The following ADGRV1 variants were observed in gnomAD, a reference collection of about 807,000 sequenced individuals.
The protein encoded by ADGRV1 is G-protein coupled receptor 98.
A neutral mutation model predicts 596.2 loss-of-function variants in ADGRV1; 359 were observed. That is an observed-to-expected ratio of 0.60 (90% CI 0.55 to 0.66). The LOEUF is 0.66. ADGRV1 is among the 30% of genes least tolerant of loss of function. The probability of loss-of-function intolerance (pLI) is 0.00; values close to 1 mark genes in which losing one functional copy is unlikely to be tolerated. For synonymous variants in ADGRV1, 2,681 were observed against 2,679.2 expected (o/e 1.00, Z -0.02); for missense variants, 7,274 against 7,575.6 (o/e 0.96, Z 1.48).
At chr5:90,716,328 C>G (rs1020961896) in intron 42 of ADGRV1, 139 bp from the exon 43 acceptor site, 2 of 492,882 alleles carry the variant, frequency 4.1e-6, no homozygotes, top group Non-Finnish European at 6.9e-6. Flanking sequence ...TTAAAAAATT[C>G]TGTCATTTTT....
At chr5:90,823,677 C>G in intron 76 of ADGRV1, 81 bp downstream of exon 76, 1 of 1,240,136 alleles carries the variant, frequency 8.1e-7, no homozygotes, top group South Asian at 1.4e-5. Context: ...ACTATTGAAA[C>G]TTACACATTG....
At chr5:90,927,902 G>T (rs1774692031) in intron 83 of ADGRV1, among the ~76,000 whole-genome samples, 1 of 152,056 alleles carries the variant, frequency 6.6e-6, no homozygotes, top group Non-Finnish European at 1.5e-5. Flanking sequence ...GCGTAGTTTG[G>T]CTGGATATGA....
At position 90,724,707 on chromosome 5, in the gene ADGRV1, C is replaced by T. The variant is rs146954375; in HGVS notation, c.9749-125C>T. 183 of 790,960 alleles carry T rather than the reference C, an allele frequency of 2.3e-4. 1 individual carries two copies. In the East Asian group the frequency reaches 3.4e-3, roughly 15 times the overall value. 49.0% of individuals were successfully genotyped at this position (790,960 alleles called of 1,614,324 possible). A position where few individuals can be genotyped will look rare whatever the true frequency, so the allele number is the denominator to read the frequency against. ...ACTTGTGTCTTTTCACACTCATACACACGTCATGAAAGAATTTTCATTTGT... is the reference window on the plus strand; with the variant it reads ...ACTTGTGTCTTTTCACACTCATACATACGTCATGAAAGAATTTTCATTTGT... On this transcript the variant is annotated intron_variant, in intron 45 of 89. Coordinates refer to ENST00000405460, the MANE Select transcript of ADGRV1 (RefSeq NM_032119.4).
Position 90,705,679 on chromosome 5 carries a change from A to G in ADGRV1, c.8566+100A>G, listed in dbSNP as rs1023856190. The G allele has an allele frequency of 2.1e-5, 19 of 891,226 alleles. No homozygotes were observed. The Middle Eastern group carries it at 1.4e-3, about 65-fold the overall frequency. The allele number at this position is 891,226 out of a possible 1,614,324, so 55.2% of individuals were successfully genotyped here. ...ATTGCTAAAATAAATCGGGGACAGG[A>G]GAAAATTAATATTTCTTCATTCAGG... On this transcript the variant is annotated intron_variant, in intron 37 of 89. Transcript: ENST00000405460.
chr5:90,848,913 T>A (rs1766192250), intron 79 of ADGRV1, 92 bp downstream of exon 79: 1 of 883,152 alleles, frequency 1.1e-6, no homozygotes, highest in South Asian at 1.8e-5. Flanking sequence ...ATTTAGATGA[T>A]GTAACTAAGA....
intron 21 of ADGRV1, among the ~76,000 whole-genome samples, chr5:90,663,453 G>T (rs1319506686): frequency 6.7e-6 from 1 of 150,004 alleles, no homozygotes; most frequent in South Asian, 2.1e-4. Flanking sequence ...ACTTTTTGAT[G>T]GGGTTGTTTG....
intron 48 of ADGRV1, 65 bp from the exon 49 acceptor site, chr5:90,728,604 A>T (rs1210475067): frequency 8.4e-6 from 11 of 1,307,804 alleles, no homozygotes; most frequent in Non-Finnish European, 1.1e-5. Flanking sequence ...TATGGTATTG[A>T]TTACATTCTT....
At chr5:90,975,075 A>C (rs1441050289) in intron 84 of ADGRV1, among the ~76,000 whole-genome samples, 2 of 152,142 alleles carry the variant, frequency 1.3e-5, no homozygotes, top group African/African-American at 2.4e-5. Context: ...TAAGACATTT[A>C]TGCAGCCAAC....
intron 83 of ADGRV1, among the ~76,000 whole-genome samples, chr5:90,961,773 T>C (rs896220643): frequency 6.6e-6 from 1 of 152,230 alleles, no homozygotes; most frequent in African/African-American, 2.4e-5. Context: ...GCAGAGAATT[T>C]TATAAGTCAT....
intron 85 of ADGRV1, among the ~76,000 whole-genome samples, chr5:91,065,898 G>C (rs931261030): frequency 5.9e-5 from 9 of 152,124 alleles, no homozygotes; most frequent in African/African-American, 1.9e-4. Flanking sequence ...ACTTTGAAGT[G>C]AATTAGAATT....
At chr5:91,124,442 T>C (rs1273304576) in intron 87 of ADGRV1, among the ~76,000 whole-genome samples, 2 of 152,230 alleles carry the variant, frequency 1.3e-5, no homozygotes, top group Non-Finnish European at 2.9e-5. Context: ...TTTTAAATTG[T>C]GGCCATCTGA....
intron 83 of ADGRV1, among the ~76,000 whole-genome samples, chr5:90,937,638 T>C (rs1775822708): frequency 6.6e-6 from 1 of 152,106 alleles, no homozygotes; most frequent in African/African-American, 2.4e-5. Flanking sequence ...TTTGTATTTT[T>C]AGTAGAGACG....
At chr5:91,001,134 G>C (rs1781823797) in intron 85 of ADGRV1, among the ~76,000 whole-genome samples, 1 of 152,212 alleles carries the variant, frequency 6.6e-6, no homozygotes, top group South Asian at 2.1e-4. Context: ...CTGGAGTGCA[G>C]TGGTGCAGTA....
intron 42 of ADGRV1, among the ~76,000 whole-genome samples, chr5:90,713,672 GTTAT>G (rs768533168): frequency 3.0e-4 from 45 of 152,150 alleles, no homozygotes; most frequent in Non-Finnish European, 6.3e-4. Flanking sequence ...CAAGGCTAAT[GTTAT>G]TCATTGTCAT....
intron 87 of ADGRV1, among the ~76,000 whole-genome samples, chr5:91,145,658 A>C (rs77041680): frequency 2.6e-5 from 4 of 152,096 alleles, no homozygotes; most frequent in Non-Finnish European, 5.9e-5. Context: ...AAAAAAAAAA[A>C]CAACTCTAAT....
intron 1 of ADGRV1, among the ~76,000 whole-genome samples, chr5:90,596,062 C>T (rs1177688573): frequency 3.2e-4 from 48 of 150,172 alleles, no homozygotes; most frequent in African/African-American, 1.1e-3. Context: ...AGGGTCTCCT[C>T]ACTTCTCAGA....
intron 87 of ADGRV1, among the ~76,000 whole-genome samples, chr5:91,117,529 CTT>C (rs1792956447): frequency 6.6e-6 from 1 of 152,130 alleles, no homozygotes; most frequent in African/African-American, 2.4e-5. Flanking sequence ...GTCTTAGAGA[CTT>C]TTAGGCAAGG....
intron 83 of ADGRV1, among the ~76,000 whole-genome samples, chr5:90,948,796 A>G (rs534099430): frequency 7.9e-5 from 12 of 152,246 alleles, no homozygotes; most frequent in African/African-American, 2.6e-4. Context: ...TTGATTAAGT[A>G]TTGTACTAAA....
At position 90,675,350 on chromosome 5, in the gene ADGRV1, A is replaced by C; in HGVS notation, c.5218A>C (p.Arg1740=). 1 of 1,613,852 alleles carries C rather than the reference A, an allele frequency of 6.2e-7. No homozygotes were observed. Among genetic ancestry groups the C allele is most frequent in the Admixed American group, 1.7e-5 (1 of 59,944 alleles). ...TGTGGAGGAGGAAGATGGAGAAATC[A>C]GGTTATTGGTCATCCGTGCACAGGG... is the stretch of plus-strand genomic sequence containing the variant. ...ITVEEEDGEI[R]LLVIRAQGLL... The change falls in exon 24 of 90, where the codon AGG becomes CGG. Residue 1740 remains arginine (R), a synonymous_variant. Coordinates refer to ENST00000405460, the MANE Select transcript of ADGRV1 (RefSeq NM_032119.4).
Sources: gnomAD v4.1 joint callset for allele counts (sites outside exome capture counted in the v4.1 genomes callset) on GRCh38, gnomAD v4.1.1 for gene constraint, MANE v1.5 for transcripts, NCBI Gene and HGNC (gene_info 2026-07-23, HGNC 2026-07-21) for gene names.